Variants in ADGRV1 observed in about 807,000 individuals in gnomAD.
ADGRV1 encodes the protein adhesion G protein-coupled receptor V1.
A neutral mutation model predicts 596.2 loss-of-function variants in ADGRV1; 359 were observed. That is an observed-to-expected ratio of 0.60 (90% confidence interval 0.55 to 0.66). ADGRV1 has a LOEUF of 0.66. Among genes scored for constraint, ADGRV1 ranks in the 30% least tolerant of loss-of-function variants. The pLI is 0.00. For synonymous variants in ADGRV1, 2,681 were observed against 2,679.2 expected, an observed-to-expected ratio of 1.00 and a Z score of -0.02; for missense variants, 7,274 against 7,575.6, an observed-to-expected ratio of 0.96 and a Z score of 1.48.
intron 19 of ADGRV1, among the ~76,000 whole-genome samples, chr5:90,652,902 T>C (rs768427994): frequency 2.1e-4 from 32 of 152,216 alleles, no homozygotes; most frequent in Non-Finnish European, 3.4e-4. Flanking sequence ...AGCTTGATCT[T>C]TGTGTCATAA....
At chr5:90,852,236 C>T (rs73179344) in intron 79 of ADGRV1, among the ~76,000 whole-genome samples, 3,669 of 152,176 alleles carry the variant, frequency 0.024, 146 homozygotes, top group African/African-American at 0.084. Context: ...AGAGGATGTA[C>T]CACTACAGGA....
chr5:90,652,501 C>A lies in ADGRV1; in HGVS notation c.3572C>A (p.Ala1191Asp), dbSNP rs754327712. The change falls in exon 19 of 90, where the codon GCT becomes GAT. Residue 1191 changes from alanine (A) to aspartate (D), a missense_variant. Transcript: ENST00000405460. ...GEEAKPIILH[A>D]FPDKIPEFNE... ...GAAGCAAAACCAATCATTCTCCATG[C>A]TTTTCCAGATAAAATTCCTGAATTC... The A allele has an allele frequency of 1.2e-6, 2 of 1,613,218 alleles. No individual in the cohort carries two copies. The highest frequency in any genetic ancestry group is 2.2e-5 in the South Asian group (2 of 90,970).
At chr5:91,031,361 T>C in intron 85 of ADGRV1, 1 of 1,209,630 alleles carries the variant, frequency 8.3e-7, no homozygotes, top group Non-Finnish European at 1.2e-6. Context: ...TCTCATCCGC[T>C]GACGGAAGTT....
intron 85 of ADGRV1, among the ~76,000 whole-genome samples, chr5:91,008,610 T>G (rs1782477798): frequency 6.6e-6 from 1 of 152,034 alleles, no homozygotes; most frequent in South Asian, 2.1e-4. Context: ...TTCAAGTGAT[T>G]CTTGTGCCTC....
chr5:90,693,360 C>A (rs111400134), intron 32 of ADGRV1, among the ~76,000 whole-genome samples: 2,591 of 152,144 alleles, frequency 0.017, 75 homozygotes, highest in African/African-American at 0.06. Flanking sequence ...TACTTTAAAT[C>A]ATCTCTAGAT....
intron 86 of ADGRV1, among the ~76,000 whole-genome samples, chr5:91,100,197 G>A (rs770441943): frequency 1.3e-5 from 2 of 152,154 alleles, no homozygotes; most frequent in Non-Finnish European, 2.9e-5. Flanking sequence ...CAAGGCATGC[G>A]GATCGCTTGA....
intron 14 of ADGRV1, 51 bp from the exon 15 acceptor site, chr5:90,644,655 T>G: frequency 1.4e-6 from 2 of 1,449,572 alleles, no homozygotes; most frequent in Non-Finnish European, 1.9e-6. Context: ...ACTCATCATT[T>G]TAAAAGTTTC....
intron 83 of ADGRV1, among the ~76,000 whole-genome samples, chr5:90,912,241 T>C (rs1772952201): frequency 6.6e-6 from 1 of 152,020 alleles, no homozygotes; most frequent in South Asian, 2.1e-4. Context: ...GCAGTGTGGA[T>C]GCCAATGCCC....
chr5:90,826,035 A>C (rs1338229549), intron 76 of ADGRV1, among the ~76,000 whole-genome samples: 1 of 152,220 alleles, frequency 6.6e-6, no homozygotes, highest in Non-Finnish European at 1.5e-5. Flanking sequence ...TTTCATTAAG[A>C]GGAAATTTAA....
intron 26 of ADGRV1, among the ~76,000 whole-genome samples, chr5:90,680,189 A>C (rs1345348784): frequency 6.6e-6 from 1 of 152,088 alleles, no homozygotes; most frequent in Admixed American, 6.5e-5. Context: ...GTTTCTACTA[A>C]AAATACAAAA....
At chr5:90,952,550 A>C (rs1413925593) in intron 83 of ADGRV1, among the ~76,000 whole-genome samples, 1 of 152,156 alleles carries the variant, frequency 6.6e-6, no homozygotes, top group Admixed American at 6.6e-5. Context: ...TGAAAGGCTG[A>C]TCTATAGATA....
In ADGRV1 at chr5:90,854,391, A is replaced by C. The variant is rs193021504; in HGVS notation, c.17594+190A>C. Among the ~76,000 whole-genome samples the C allele has an allele frequency of 4.3e-3, 658 of 152,314 alleles. 4 individuals are homozygous for C. Among genetic ancestry groups the C allele is most frequent in the African/African-American group, 0.015 (628 of 41,570 alleles). On this transcript the variant is annotated intron_variant, in intron 81 of 89. Transcript: ENST00000405460. ...ATTGTTCTGATGGCAAATGCAGCCC[A>C]GCATTTCAATATGTGTGTAACACAT...
At chr5:91,136,793 G>T (rs1794674297) in intron 87 of ADGRV1, among the ~76,000 whole-genome samples, 1 of 152,138 alleles carries the variant, frequency 6.6e-6, no homozygotes, top group South Asian at 2.1e-4. Flanking sequence ...CAAGATATCA[G>T]ACTTTAAACC....
intron 1 of ADGRV1, among the ~76,000 whole-genome samples, chr5:90,610,496 C>T (rs1762609488): frequency 6.6e-6 from 1 of 151,826 alleles, no homozygotes; most frequent in Non-Finnish European, 1.5e-5. Context: ...CTTAGTTTGT[C>T]TAAGTGTCTT....
intron 83 of ADGRV1, among the ~76,000 whole-genome samples, chr5:90,958,283 CAAAAA>C (rs34676985): frequency 2.7e-5 from 2 of 72,824 alleles, no homozygotes; most frequent in African/African-American, 9.8e-5. Context: ...GACCTTGTCT[CAAAAA>C]AAAAAAAAAA....
chr5:90,755,192 C>T lies in ADGRV1; in HGVS notation c.11580+7C>T. On this transcript the variant is annotated splice_region_variant and intron_variant, in intron 55 of 89. Transcript: ENST00000405460. Reference sequence around the variant, plus strand: ...CGAAGTTTCCATTTTGCCGGTAAGTCAAGGCTGCAAAGAATGTGATCTAAA... The same window carrying T: ...CGAAGTTTCCATTTTGCCGGTAAGTTAAGGCTGCAAAGAATGTGATCTAAA... 6.3e-7 allele frequency: 1 copy of T among 1,582,496 alleles called. No individual in the cohort carries two copies. The highest frequency in any genetic ancestry group is 8.6e-7 in the Non-Finnish European group (1 of 1,166,704).
chr5:90,789,640 G>C, intron 68 of ADGRV1, 62 bp from the exon 69 acceptor site: 1 of 972,740 alleles, frequency 1.0e-6, no homozygotes. Flanking sequence ...TAATATGTTG[G>C]ATACTATAAT....
At chr5:91,074,308 T>G (rs1788654725) in intron 86 of ADGRV1, among the ~76,000 whole-genome samples, 1 of 152,134 alleles carries the variant, frequency 6.6e-6, no homozygotes, top group Admixed American at 6.5e-5. Flanking sequence ...AGGTAGTTTT[T>G]AAGTCCTCAC....
intron 85 of ADGRV1, among the ~76,000 whole-genome samples, chr5:91,027,144 A>AACAC (rs1184010778): frequency 0.094 from 12,166 of 129,038 alleles, 614 homozygotes; most frequent in African/African-American, 0.13. Context: ...ACAGTCTCAA[A>AACAC]ACACACACAC....
Sources: allele counts gnomAD v4.1 joint callset (sites outside exome capture counted in the v4.1 genomes callset), GRCh38; gene constraint gnomAD v4.1.1; transcripts MANE v1.5; gene names NCBI Gene and HGNC (gene_info 2026-07-23, HGNC 2026-07-21).